The following MTFR1 variants were observed in gnomAD, a reference collection of about 807,000 sequenced individuals.
MTFR1 encodes the protein chondrocyte protein with a poly-proline region.
In MTFR1, 28 loss-of-function variants were observed where a neutral mutation model predicts 38.8. That is an observed-to-expected ratio of 0.72 (90% CI 0.53 to 0.99). The LOEUF is 0.99. MTFR1 is among the 50% of genes least tolerant of loss of function. The pLI is 0.00. For missense variants in MTFR1, 358 were observed against 395.5 expected, an observed-to-expected ratio of 0.91 and a Z score of 0.81; for synonymous variants, 145 against 137.0, an observed-to-expected ratio of 1.06 and a Z score of -0.41.
chr8:65,716,022 A>C (rs1331611839), intron 2 of MTFR1, among the ~76,000 whole-genome samples: 1 of 147,938 alleles, frequency 6.8e-6, no homozygotes, highest in Non-Finnish European at 1.5e-5. Flanking sequence ...AAAAAAAAAA[A>C]AAATTAGCTG....
At chr8:65,685,109 G>A (rs1366979720) in intron 3 of MTFR1, among the ~76,000 whole-genome samples, 1 of 152,214 alleles carries the variant, frequency 6.6e-6, no homozygotes, top group African/African-American at 2.4e-5. Flanking sequence ...AAAAGATGTA[G>A]TCTTCAAAAT....
At chr8:65,713,975 A>C (rs1208079690), downstream of MTFR1, among the ~76,000 whole-genome samples, 3 of 152,088 alleles carry the variant, frequency 2.0e-5, no homozygotes, top group Admixed American at 2.0e-4. Flanking sequence ...GATGTGAGCC[A>C]CCACACCCAG....
At chr8:65,769,151 G>A (rs896043650) in intron 3 of MTFR1, among the ~76,000 whole-genome samples, 2 of 151,394 alleles carry the variant, frequency 1.3e-5, no homozygotes, top group South Asian at 2.1e-4. Context: ...GGGAGGCTGA[G>A]GCATGAGAAT....
intron 3 of MTFR1, among the ~76,000 whole-genome samples, chr8:65,692,834 A>G (rs1199955972): frequency 6.6e-6 from 1 of 151,678 alleles, no homozygotes; most frequent in East Asian, 1.9e-4. Flanking sequence ...CAAAACAGCT[A>G]TATAATAGCC....
At chr8:65,752,277 A>T (rs1376321137) in intron 3 of MTFR1, among the ~76,000 whole-genome samples, 1 of 152,202 alleles carries the variant, frequency 6.6e-6, no homozygotes, top group Non-Finnish European at 1.5e-5. Context: ...CAATAACGCA[A>T]GACCTTTTAT....
chr8:65,720,627 A>T (rs1389364651), intron 3 of MTFR1: 1 of 152,974 alleles, frequency 6.5e-6, no homozygotes, highest in Non-Finnish European at 1.5e-5. Flanking sequence ...TCATTGATCC[A>T]TTCCCTCCAC....
At chr8:65,688,466 T>TG (rs1805165607) in intron 3 of MTFR1, among the ~76,000 whole-genome samples, 2 of 146,286 alleles carry the variant, frequency 1.4e-5, no homozygotes, top group Admixed American at 1.4e-4. Flanking sequence ...TTTTTTTTTT[T>TG]GAGACGGAGT....
intron 3 of MTFR1, among the ~76,000 whole-genome samples, chr8:65,761,858 G>A (rs1455718987): frequency 2.0e-5 from 3 of 152,168 alleles, no homozygotes; most frequent in Non-Finnish European, 4.4e-5. Context: ...GGAAACAAGC[G>A]CTGAAGAACC....
At chr8:65,718,553 C>A in intron 2 of MTFR1, 1 of 152,536 alleles carries the variant, frequency 6.6e-6, no homozygotes, top group Non-Finnish European at 1.5e-5. Context: ...CCCTCCCACC[C>A]CAAATTAAAA....
intron 2 of MTFR1, among the ~76,000 whole-genome samples, chr8:65,680,899 C>CTTTTTT (rs1199113408): frequency 1.6e-4 from 15 of 93,612 alleles, no homozygotes; most frequent in Admixed American, 2.7e-4. Context: ...AAGCAGTTCT[C>CTTTTTT]TTTTTTTTTT....
At chr8:65,731,247 C>T (rs1405912536) in intron 3 of MTFR1, among the ~76,000 whole-genome samples, 1 of 152,130 alleles carries the variant, frequency 6.6e-6, no homozygotes, top group Non-Finnish European at 1.5e-5. Flanking sequence ...AATAAGTGTA[C>T]ATCTGCAAGA....
intron 3 of MTFR1, among the ~76,000 whole-genome samples, chr8:65,764,861 G>A (rs1808690777): frequency 6.6e-6 from 1 of 152,190 alleles, no homozygotes; most frequent in Non-Finnish European, 1.5e-5. Flanking sequence ...TACAGTCATT[G>A]TAATAAAGAC....
intron 3 of MTFR1, among the ~76,000 whole-genome samples, chr8:65,760,182 G>C (rs1585885095): frequency 6.6e-6 from 1 of 152,296 alleles, no homozygotes; most frequent in East Asian, 1.9e-4. Flanking sequence ...AGAGGTTGCA[G>C]TGAGCTAAGA....
intron 3 of MTFR1, among the ~76,000 whole-genome samples, chr8:65,721,515 G>A (rs1255241886): frequency 6.6e-6 from 1 of 152,124 alleles, no homozygotes; most frequent in Non-Finnish European, 1.5e-5. Flanking sequence ...TAGGGTTGTT[G>A]TGTGGAGTCA....
rs1454652926 is a variant in MTFR1 at position 65,693,911 on chromosome 8, C to CT, written c.281+159dup. The CT allele has an allele frequency of 1.2e-5, 8 of 647,236 alleles. No individual in the cohort carries two copies. The East Asian group carries it at 1.7e-4, about 14-fold the overall frequency. 40.1% of individuals were successfully genotyped at this position (647,236 alleles called of 1,614,324 possible). ...ACAGTCTTCTTTTCTGTTTATTTTC[C>CT]TTTTTTTCTGAGATTGGGTCTTGTT... On this transcript the variant is annotated intron_variant, in intron 4 of 7. Transcript: ENST00000262146.
chr8:65,691,257 A>ATTTGTT (rs369318507), intron 3 of MTFR1, among the ~76,000 whole-genome samples: 1 of 151,914 alleles, frequency 6.6e-6, no homozygotes, highest in African/African-American at 2.4e-5. Flanking sequence ...TATTAGGTTT[A>ATTTGTT]TTTGTTTTTG....
chr8:65,712,859 T>A (rs929824174), downstream of MTFR1, among the ~76,000 whole-genome samples: 3 of 152,236 alleles, frequency 2.0e-5, no homozygotes, highest in African/African-American at 7.2e-5. Context: ...CTTCAAAAAA[T>A]TCATCTTTAG....
intron 1 of MTFR1, among the ~76,000 whole-genome samples, chr8:65,649,449 G>T (rs1243958073): frequency 1.3e-5 from 2 of 152,134 alleles, no homozygotes; most frequent in East Asian, 1.9e-4. Context: ...CTCCCAAAGT[G>T]CTGGGATTAC....
downstream of MTFR1, among the ~76,000 whole-genome samples, chr8:65,774,975 C>A (rs79568023): frequency 1.3e-5 from 2 of 152,096 alleles, no homozygotes; most frequent in African/African-American, 2.4e-5. Flanking sequence ...CCTCACAGAC[C>A]GCACTTTAAG....
Sources: allele counts gnomAD v4.1 joint callset (sites outside exome capture counted in the v4.1 genomes callset), GRCh38; gene constraint gnomAD v4.1.1; transcripts MANE v1.5; gene names NCBI Gene and HGNC (gene_info 2026-07-23, HGNC 2026-07-21).